The following KCNQ1 variants were observed in gnomAD, a reference collection of about 807,000 sequenced individuals.
KCNQ1 encodes the protein potassium voltage-gated channel subfamily KQT member 1.
A neutral mutation model predicts 72.4 loss-of-function variants in KCNQ1; 49 were observed. The observed-to-expected ratio is 0.68, with a 90% CI of 0.54 to 0.86. The LOEUF (loss-of-function observed/expected upper bound fraction) is 0.86, where lower values mean the gene tolerates loss of function less well. KCNQ1 is among the 40% of genes least tolerant of loss of function. The probability of loss-of-function intolerance (pLI) is 0.00; values close to 1 mark genes in which losing one functional copy is unlikely to be tolerated. For missense variants in KCNQ1, 790 were observed against 945.1 expected, an observed-to-expected ratio of 0.84 and a Z score of 2.15; for synonymous variants, 450 against 412.6, an observed-to-expected ratio of 1.09 and a Z score of -1.10.
intron 10 of KCNQ1, among the ~76,000 whole-genome samples, chr11:2,596,930 T>C (rs771723955): frequency 1.9e-4 from 29 of 151,890 alleles, no homozygotes; most frequent in Admixed American, 1.8e-3. Flanking sequence ...CTGAAAATAA[T>C]TTTTTATTGA....
Position 2,679,324 on chromosome 11 carries a change from A to G in KCNQ1, c.1514+17243A>G, listed in dbSNP as rs1012961620. ...ATAACAGGGTCTGGAGTCTGAACTC[A>G]TATCCTAATTCCACTACTTTCTACC... On this transcript the variant is annotated intron_variant, in intron 11 of 15. Transcript: ENST00000155840. This position sits in a 1 kb window ranked among gnomAD's most constrained non-coding sequence, Gnocchi z 4.8. The G allele has an allele frequency of 1.1e-4, 42 of 398,540 alleles. No homozygotes were observed. The highest frequency in any genetic ancestry group is 5.3e-5 in the Non-Finnish European group (12 of 226,084). 24.7% of individuals were successfully genotyped at this position (398,540 alleles called of 1,614,324 possible).
intron 1 of KCNQ1, among the ~76,000 whole-genome samples, chr11:2,480,248 C>T (rs1331844803): frequency 1.3e-5 from 2 of 152,178 alleles, no homozygotes; most frequent in African/African-American, 4.8e-5. Flanking sequence ...TACAGCCGCA[C>T]CCCACTCCCA....
intron 11 of KCNQ1, chr11:2,681,401 G>C (rs1320373383): frequency 3.5e-5 from 14 of 398,362 alleles, no homozygotes; most frequent in Non-Finnish European, 6.2e-5. Flanking sequence ...GGTGACTAAA[G>C]GCAAAGAATG....
intron 11 of KCNQ1, among the ~76,000 whole-genome samples, chr11:2,708,144 T>C (rs1297475837): frequency 6.6e-6 from 1 of 152,192 alleles, no homozygotes; most frequent in East Asian, 1.9e-4. Context: ...CACAACATTG[T>C]TTTTTATGGA....
At chr11:2,448,125 G>A (rs1412249321) in intron 1 of KCNQ1, among the ~76,000 whole-genome samples, 3 of 152,246 alleles carry the variant, frequency 2.0e-5, no homozygotes, top group Admixed American at 6.5e-5. Context: ...GCTGCACCCA[G>A]CGGTCCTAGC....
intron 1 of KCNQ1, among the ~76,000 whole-genome samples, chr11:2,501,528 G>T (rs1010975913): frequency 2.6e-5 from 4 of 152,106 alleles, no homozygotes; most frequent in Non-Finnish European, 5.9e-5. Context: ...GATTGAACCT[G>T]TAATTTAAAA....
At chr11:2,532,817 A>G (rs1465694299) in intron 2 of KCNQ1, among the ~76,000 whole-genome samples, 2 of 152,128 alleles carry the variant, frequency 1.3e-5, no homozygotes, top group Non-Finnish European at 2.9e-5. Flanking sequence ...AGGAGTGAGG[A>G]CGGCTGTTGG....
chr11:2,625,088 G>A (rs918530494), intron 10 of KCNQ1: 5 of 398,428 alleles, frequency 1.3e-5, no homozygotes, highest in Middle Eastern at 6.2e-4. Context: ...ATCCTTCTGG[G>A]TGTATACACA....
At chr11:2,681,117 A>C (rs1207760782) in intron 11 of KCNQ1, 3 of 398,530 alleles carry the variant, frequency 7.5e-6, no homozygotes, top group Non-Finnish European at 8.8e-6. Context: ...GATGCCCCCC[A>C]AAAAAGCACC....
In KCNQ1 at chr11:2,627,422, A is replaced by T. The variant is rs1311483690; in HGVS notation, c.1394-34539A>T. 7.5e-6 allele frequency: 3 copies of T among 398,128 alleles called. No homozygotes were observed. The highest frequency in any genetic ancestry group is 6.2e-5 in the African/African-American group (3 of 48,502). 24.7% of individuals were successfully genotyped at this position (398,128 alleles called of 1,614,324 possible). A position where few individuals can be genotyped will look rare whatever the true frequency, so the allele number is the denominator to read the frequency against. The stretch of plus-strand genomic sequence containing the variant: ...ATGTCAAGAACTTATTCATCTGATA[A>T]CTCTATGTTTGTACCCTTCAACATT... On this transcript the variant is annotated intron_variant, in intron 10 of 15. Coordinates refer to ENST00000155840, the MANE Select transcript of KCNQ1 (RefSeq NM_000218.3). This position sits in a 1 kb window ranked among gnomAD's most constrained non-coding sequence, Gnocchi z 4.9.
intron 1 of KCNQ1, among the ~76,000 whole-genome samples, chr11:2,513,259 T>C (rs1177592607): frequency 6.6e-6 from 1 of 152,162 alleles, no homozygotes; most frequent in Non-Finnish European, 1.5e-5. Context: ...CCCTCTTTGC[T>C]CTTCTTGGCT....
At position 2,572,856 on chromosome 11, in the gene KCNQ1, C is replaced by G. The variant is rs566907093; in HGVS notation, c.791C>G (p.Thr264Ser). The G allele has an allele frequency of 6.2e-7, 1 of 1,613,828 alleles. No individual in the cohort carries two copies. Among genetic ancestry groups the G allele is most frequent in the South Asian group, 1.1e-5 (1 of 91,084 alleles). Residue 264 changes from threonine (T) to serine (S), a missense_variant, in exon 6 of 16, where the codon ACC becomes AGC. Coordinates refer to ENST00000155840, the MANE Select transcript of KCNQ1 (RefSeq NM_000218.3). ...VVFIHRQELI[T>S]TLYIGFLGLI... ...TGTTTTCTGGCCTAGGAGCTGATAA[C>G]CACCCTGTACATCGGCTTCCTGGGC... is the stretch of plus-strand genomic sequence containing the variant.
Position 2,620,216 on chromosome 11 carries a change from T to TTTTTTTA in KCNQ1, c.1393+31368_1393+31369insATTTTTT, listed in dbSNP as rs1849144916. 1 of 277,704 alleles carries TTTTTTTA rather than the reference T, an allele frequency of 3.6e-6. No individual in the cohort carries two copies. The highest frequency in any genetic ancestry group is 2.3e-5 in the African/African-American group (1 of 44,306). 17.2% of individuals were successfully genotyped at this position (277,704 alleles called of 1,614,324 possible). ...TCATTCATGTATATATATATATTTT[T>TTTTTTTA]TTTTTTTATTTTTTTTTTAGACGGA... On this transcript the variant is annotated intron_variant, in intron 10 of 15. Coordinates refer to ENST00000155840, the MANE Select transcript of KCNQ1 (RefSeq NM_000218.3). The surrounding 1 kb of genome is among the most constrained non-coding windows in gnomAD (Gnocchi z 4.5).
intron 10 of KCNQ1, among the ~76,000 whole-genome samples, chr11:2,606,188 GT>G (rs1284153055): frequency 1.3e-5 from 2 of 152,172 alleles, no homozygotes; most frequent in Non-Finnish European, 2.9e-5. Flanking sequence ...TTGACAGTGT[GT>G]AGAAATACAA....
At position 2,649,478 on chromosome 11, in the gene KCNQ1, T is replaced by A. The variant is rs186378113; in HGVS notation, c.1394-12483T>A. On this transcript the variant is annotated intron_variant, in intron 10 of 15. Transcript: ENST00000155840. ...TCTTGTGGGGCTGATTTAGTAGTAA[T>A]GAATTCCCTCAGTTTTTGCTTGTCT... 4.8e-4 allele frequency: 193 copies of A among 398,574 alleles called. No homozygotes were observed. The East Asian group carries it at 6.3e-3, about 13-fold the overall frequency. 24.7% of individuals were successfully genotyped at this position (398,574 alleles called of 1,614,324 possible).
Position 2,543,364 on chromosome 11 carries a change from C to G in KCNQ1, c.477+15346C>G, listed in dbSNP as rs1194935821. On this transcript the variant is annotated intron_variant, in intron 2 of 15. Transcript: ENST00000155840. The surrounding 1 kb of genome is among the most constrained non-coding windows in gnomAD (Gnocchi z 5.6). The stretch of plus-strand genomic sequence containing the variant: ...ACGTAGCTCACTGCAACCTCGAATT[C>G]CTGGGCTCCGAGGATCCTCCCACCT... Among the ~76,000 whole-genome samples, 1 of 152,026 alleles carries G rather than the reference C, an allele frequency of 6.6e-6. No homozygotes were observed. The highest frequency in any genetic ancestry group is 1.5e-5 in the Non-Finnish European group (1 of 68,024).
At chr11:2,837,702 G>T (rs530603889) in intron 15 of KCNQ1, among the ~76,000 whole-genome samples, 2 of 152,206 alleles carry the variant, frequency 1.3e-5, no homozygotes, top group Non-Finnish European at 2.9e-5. Flanking sequence ...CTCACCTGGG[G>T]CCTGGAGAAT....
At position 2,661,819 on chromosome 11, in the gene KCNQ1, C is replaced by A; in HGVS notation, c.1394-142C>A. The A allele has an allele frequency of 5.9e-6, 6 of 1,016,576 alleles. No homozygotes were observed. Among genetic ancestry groups the A allele is most frequent in the Non-Finnish European group, 9.1e-6 (6 of 661,884 alleles). The allele number at this position is 1,016,576 out of a possible 1,614,324, so 63.0% of individuals were successfully genotyped here. A position where few individuals can be genotyped will look rare whatever the true frequency, so the allele number is the denominator to read the frequency against. On this transcript the variant is annotated intron_variant, in intron 10 of 15. Transcript: ENST00000155840. The surrounding 1 kb of genome is among the most constrained non-coding windows in gnomAD (Gnocchi z 5.9). ...AACACCCACCCACCCCAACACCCAA[C>A]TATAAAACTGATTGTCAGGGCTGGA...
rs1419264484 is a variant in KCNQ1 at position 2,768,373 on chromosome 11, G to C, written c.1515-471G>C. ...CAACTTTCCCTTGTTAATTTGTCCT[G>C]TAGCCCCTACTTTCCCAAGCGCTTG... On this transcript the variant is annotated intron_variant, in intron 11 of 15. Transcript: ENST00000155840. This position sits in a 1 kb window ranked among gnomAD's most constrained non-coding sequence, Gnocchi z 6.7. Among the ~76,000 whole-genome samples, 4 of 152,146 alleles carry C rather than the reference G, an allele frequency of 2.6e-5. No individual in the cohort carries two copies. The highest frequency in any genetic ancestry group is 5.9e-5 in the Non-Finnish European group (4 of 68,020).
Sources: allele counts gnomAD v4.1 joint callset (sites outside exome capture counted in the v4.1 genomes callset), GRCh38; gene constraint gnomAD v4.1.1; non-coding constraint Gnocchi (gnomAD v3.1); transcripts MANE v1.5; gene names NCBI Gene and HGNC (gene_info 2026-07-23, HGNC 2026-07-21).